The following JAK2 variants were observed in gnomAD, a reference collection of about 807,000 sequenced individuals.
JAK2 encodes tyrosine-protein kinase JAK2.
Under a neutral mutation model 139.3 loss-of-function variants are expected in JAK2, and 86 were observed. That is an observed-to-expected ratio of 0.62 (90% CI 0.52 to 0.74). JAK2 has a LOEUF of 0.74. Among genes scored for constraint, JAK2 ranks in the 30% least tolerant of loss-of-function variants. JAK2 has a pLI of 0.00. For missense variants in JAK2, 1,421 were observed against 1,360.3 expected, an observed-to-expected ratio of 1.04 and a Z score of -0.70; for synonymous variants, 490 against 437.7, an observed-to-expected ratio of 1.12 and a Z score of -1.49.
chr9:5,121,409 G>C (rs749700839), intron 22 of JAK2, among the ~76,000 whole-genome samples: 10 of 152,118 alleles, frequency 6.6e-5, no homozygotes, highest in Non-Finnish European at 1.0e-4. Flanking sequence ...AAATTCACTT[G>C]GTAATTGGAG....
At chr9:5,101,979 C>T (rs1821531558) in intron 22 of JAK2, among the ~76,000 whole-genome samples, 1 of 152,152 alleles carries the variant, frequency 6.6e-6, no homozygotes, top group South Asian at 2.1e-4. Flanking sequence ...ATTCTAAAAA[C>T]CAGAGGGCCT....
In JAK2 at chr9:5,006,075, G is replaced by T. The variant is rs529414133; in HGVS notation, c.-25-15888G>T. Among the ~76,000 whole-genome samples, 22 of 152,152 alleles carry T rather than the reference G, an allele frequency of 1.4e-4. 1 individual carries two copies. The highest frequency in any genetic ancestry group is 5.8e-4 in the East Asian group (3 of 5,180). On this transcript the variant is annotated intron_variant, in intron 2 of 24. Coordinates refer to ENST00000381652, the MANE Select transcript of JAK2 (RefSeq NM_004972.4). ...TGGGGATGGCATTGAATCTATAAATGACCTTGGGCAGTATGGCCATTTTCA... is the reference window on the plus strand; with the variant it reads ...TGGGGATGGCATTGAATCTATAAATTACCTTGGGCAGTATGGCCATTTTCA...
At chr9:4,998,150 G>A (rs1436770631) in intron 2 of JAK2, among the ~76,000 whole-genome samples, 2 of 151,924 alleles carry the variant, frequency 1.3e-5, no homozygotes, top group Non-Finnish European at 2.9e-5. Flanking sequence ...ATTTTTTATA[G>A]ACAAACTCGT....
At chr9:5,005,131 T>TTTTTTTG (rs1821209775) in intron 2 of JAK2, among the ~76,000 whole-genome samples, 1 of 111,920 alleles carries the variant, frequency 8.9e-6, no homozygotes, top group Non-Finnish European at 1.8e-5. Flanking sequence ...TTTTTTTTTT[T>TTTTTTTG]TAGGTACAGG....
rs1355685125 is a variant in JAK2, at chr9:5,058,610, AT to A, written c.1056+2828del. 2.0e-5 allele frequency among the ~76,000 whole-genome samples: 3 copies of A among 152,096 alleles called. No homozygotes were observed. In the East Asian group the frequency reaches 5.8e-4, roughly 29 times the overall value. ...GGATCATATGGTAATTCTACTTGTA[AT>A]TTTTTAGGGAGCCACCATGCTGTTT... On this transcript the variant is annotated intron_variant, in intron 8 of 24. Coordinates refer to ENST00000381652, the MANE Select transcript of JAK2 (RefSeq NM_004972.4).
intron 2 of JAK2, among the ~76,000 whole-genome samples, chr9:4,986,682 T>C (rs143460791): frequency 6.6e-6 from 1 of 152,186 alleles, no homozygotes; most frequent in African/African-American, 2.4e-5. Flanking sequence ...CAAAAGTGTT[T>C]TGGATTTTTT....
chr9:5,043,075 C>T (rs1179057822), intron 4 of JAK2, among the ~76,000 whole-genome samples: 5 of 152,206 alleles, frequency 3.3e-5, no homozygotes, highest in Non-Finnish European at 7.3e-5. Context: ...TCTCTGTGCT[C>T]CGCCCCCTGG....
intron 8 of JAK2, 38 bp downstream of exon 8, chr9:5,055,826 A>G (rs1425865136): frequency 1.3e-6 from 2 of 1,561,850 alleles, no homozygotes; most frequent in South Asian, 2.3e-5. Context: ...GTTTCATTTT[A>G]TAGTTCTCAG....
At chr9:4,986,355 A>C (rs988201903) in intron 2 of JAK2, among the ~76,000 whole-genome samples, 25 of 152,324 alleles carry the variant, frequency 1.6e-4, no homozygotes, top group African/African-American at 5.8e-4. Flanking sequence ...AAGCAATAAG[A>C]GATAGCTTTT....
At chr9:5,111,146 C>A in intron 22 of JAK2, 1 of 918,250 alleles carries the variant, frequency 1.1e-6, no homozygotes, top group Non-Finnish European at 1.7e-6. Flanking sequence ...AGCGAAGGCG[C>A]TCAACTTGCT....
intron 22 of JAK2, chr9:5,108,526 C>A (rs1822160828): frequency 6.6e-6 from 1 of 152,072 alleles, no homozygotes. Flanking sequence ...TGTATTATGG[C>A]CTTTATAGTA....
At chr9:5,030,005 T>C in intron 4 of JAK2, 99 bp downstream of exon 4, 2 of 984,468 alleles carry the variant, frequency 2.0e-6, no homozygotes, top group South Asian at 1.8e-5. Flanking sequence ...ACCAGATACC[T>C]GAACCAATTA....
chr9:5,031,303 C>A (rs1363702534), intron 4 of JAK2, among the ~76,000 whole-genome samples: 1 of 152,134 alleles, frequency 6.6e-6, no homozygotes, highest in African/African-American at 2.4e-5. Flanking sequence ...GAGATATTTT[C>A]ACATTATATG....
intron 2 of JAK2, among the ~76,000 whole-genome samples, chr9:5,017,817 T>C (rs1276922861): frequency 6.6e-6 from 1 of 152,226 alleles, no homozygotes; most frequent in Non-Finnish European, 1.5e-5. Context: ...TGTTGTTGTT[T>C]TGATACATTA....
At chr9:5,041,337 C>T (rs1816492393) in intron 4 of JAK2, 4 of 682,136 alleles carry the variant, frequency 5.9e-6, no homozygotes, top group African/African-American at 1.8e-5. Context: ...AAGAGCTTGA[C>T]AGGTACGGCG....
In JAK2 at chr9:5,081,630, A is replaced by G. The variant is rs74673801; in HGVS notation, c.2435-95A>G. ...TTCCCTGTATCATTTAGTATTTTTA[A>G]CTCACGATTATTTTGGTCAACTTGA... On this transcript the variant is annotated intron_variant, in intron 18 of 24. Transcript: ENST00000381652. 1,471 of 791,790 alleles carry G rather than the reference A, an allele frequency of 1.9e-3. 15 individuals are homozygous for G. The African/African-American group carries it at 0.022, about 12-fold the overall frequency. 49.0% of individuals were successfully genotyped at this position (791,790 alleles called of 1,614,324 possible).
intron 4 of JAK2, chr9:5,041,608 G>A (rs1442013271): frequency 4.0e-6 from 2 of 496,140 alleles, no homozygotes; most frequent in South Asian, 3.1e-5. Flanking sequence ...AAGCCCGACT[G>A]TGACTACATG....
At chr9:5,057,580 CTTTT>C (rs541931562) in intron 8 of JAK2, among the ~76,000 whole-genome samples, 9,335 of 116,760 alleles carry the variant, frequency 0.08, 774 homozygotes, top group African/African-American at 0.27. Flanking sequence ...ATTCTACTTT[CTTTT>C]TTTTTTTTTT....
chr9:5,031,688 A>C (rs1823157405), intron 4 of JAK2, among the ~76,000 whole-genome samples: 1 of 152,234 alleles, frequency 6.6e-6, no homozygotes, highest in South Asian at 2.1e-4. Flanking sequence ...AAAACAATAG[A>C]AAAAATCATA....
Sources: gnomAD v4.1 joint callset for allele counts (sites outside exome capture counted in the v4.1 genomes callset) on GRCh38, gnomAD v4.1.1 for gene constraint, MANE v1.5 for transcripts, NCBI Gene and HGNC (gene_info 2026-07-23, HGNC 2026-07-21) for gene names.